PTPRD: variants seen among roughly 807,000 people sequenced by gnomAD.
PTPRD encodes protein tyrosine phosphatase receptor type D.
PTPRD carries 34 observed loss-of-function variants against 214.5 expected under a neutral mutation model. The ratio of observed to expected loss-of-function variants is 0.16; its 90% confidence interval spans 0.12 to 0.21. The LOEUF is 0.21. Among genes scored for constraint, PTPRD ranks in the 10% least tolerant of loss-of-function variants. PTPRD has a pLI of 1.00. For missense variants in PTPRD, 2,545 were observed against 2,398.7 expected (o/e 1.06, Z -1.27); for synonymous variants, 1,128 against 845.7 (o/e 1.33, Z -5.79).
chr9:10,069,537 T>C (rs937123006), intron 3 of PTPRD, among the ~76,000 whole-genome samples: 1 of 152,044 alleles, frequency 6.6e-6, no homozygotes, highest in Non-Finnish European at 1.5e-5. Context: ...AAATAATGCT[T>C]TTTCTTTCTC....
chr9:8,647,857 T>A (rs2096728034), intron 12 of PTPRD, among the ~76,000 whole-genome samples: 1 of 152,228 alleles, frequency 6.6e-6, no homozygotes, highest in Admixed American at 6.5e-5. Flanking sequence ...TTTGGCACAA[T>A]GTCTACATAC....
chr9:8,896,938 A>C (rs1172915843), intron 11 of PTPRD, among the ~76,000 whole-genome samples: 1 of 152,218 alleles, frequency 6.6e-6, no homozygotes, highest in Admixed American at 6.5e-5. Context: ...AGAACTGTAG[A>C]TTAGTTCTAA....
intron 21 of PTPRD, among the ~76,000 whole-genome samples, chr9:8,510,478 A>G (rs2097655409): frequency 1.3e-5 from 2 of 152,178 alleles, no homozygotes; most frequent in Non-Finnish European, 1.5e-5. Context: ...GCCTTGTGAA[A>G]TGTGGGCGCA....
intron 5 of PTPRD, among the ~76,000 whole-genome samples, chr9:9,864,286 A>G (rs2063450525): frequency 6.6e-6 from 1 of 152,078 alleles, no homozygotes; most frequent in Non-Finnish European, 1.5e-5. Context: ...AGCCTGGGTA[A>G]CAGAGTGAGA....
chr9:9,620,958 T>C (rs1476550477), intron 7 of PTPRD, among the ~76,000 whole-genome samples: 1 of 152,092 alleles, frequency 6.6e-6, no homozygotes, highest in Non-Finnish European at 1.5e-5. Context: ...AGCCAGTCAG[T>C]GCTCCACAGA....
intron 12 of PTPRD, among the ~76,000 whole-genome samples, chr9:8,695,257 G>C (rs1387389512): frequency 6.6e-6 from 1 of 152,106 alleles, no homozygotes; most frequent in Non-Finnish European, 1.5e-5. Flanking sequence ...AAACTCCCCA[G>C]TGTATTTGCT....
intron 14 of PTPRD, among the ~76,000 whole-genome samples, chr9:8,542,204 A>T (rs551140873): frequency 6.6e-6 from 1 of 152,220 alleles, no homozygotes; most frequent in Non-Finnish European, 1.5e-5. Flanking sequence ...GTGTGTGGGC[A>T]CTTCGGTGCT....
At chr9:8,775,237 T>C (rs1319036178) in intron 11 of PTPRD, among the ~76,000 whole-genome samples, 1 of 152,142 alleles carries the variant, frequency 6.6e-6, no homozygotes, top group African/African-American at 2.4e-5. Flanking sequence ...AGGGGGGTCT[T>C]TTTTTCTGAT....
At chr9:8,433,844 G>A (rs118018508) in intron 35 of PTPRD, among the ~76,000 whole-genome samples, 1,534 of 152,190 alleles carry the variant, frequency 0.01, 10 homozygotes, top group Non-Finnish European at 0.017. Flanking sequence ...AGTTTATAGT[G>A]TTTATAAAGT....
intron 3 of PTPRD, among the ~76,000 whole-genome samples, chr9:10,055,904 G>A (rs1267091616): frequency 1.3e-5 from 2 of 151,650 alleles, no homozygotes; most frequent in African/African-American, 4.9e-5. Flanking sequence ...ATAAATGAGT[G>A]TGTGTGTACT....
intron 5 of PTPRD, among the ~76,000 whole-genome samples, chr9:9,917,076 G>C (rs980181941): frequency 6.7e-6 from 1 of 149,246 alleles, no homozygotes; most frequent in Non-Finnish European, 1.5e-5. Flanking sequence ...TAAGAGGCAA[G>C]TATATATCAA....
chr9:9,794,443 G>C (rs2098988647), intron 5 of PTPRD, among the ~76,000 whole-genome samples: 1 of 152,038 alleles, frequency 6.6e-6, no homozygotes, highest in Admixed American at 6.6e-5. Context: ...TGGGGTACTG[G>C]TGGCAGAGGC....
At chr9:9,353,810 A>C (rs1308195268) in intron 9 of PTPRD, among the ~76,000 whole-genome samples, 1 of 151,904 alleles carries the variant, frequency 6.6e-6, no homozygotes, top group Non-Finnish European at 1.5e-5. Context: ...CCCTTTTATT[A>C]GTTCAGAATT....
At chr9:9,524,208 A>G (rs922142434) in intron 8 of PTPRD, among the ~76,000 whole-genome samples, 61 of 152,236 alleles carry the variant, frequency 4.0e-4, no homozygotes, top group African/African-American at 1.4e-3. Flanking sequence ...CCTTGGGTAC[A>G]GCTGTGTCTG....
At chr9:8,733,667 C>G (rs891782954) in intron 12 of PTPRD, 113 bp downstream of exon 12, 3 of 1,122,038 alleles carry the variant, frequency 2.7e-6, no homozygotes, top group African/African-American at 1.5e-5. Context: ...CCCGCAGTGT[C>G]TCAGGATTTA....
intron 3 of PTPRD, among the ~76,000 whole-genome samples, chr9:10,121,318 T>G (rs1423618362): frequency 2.6e-5 from 4 of 152,188 alleles, no homozygotes; most frequent in African/African-American, 4.8e-5. Flanking sequence ...TTTTTAGAGT[T>G]GGCTTTGGGA....
chr9:10,536,769 A>C (rs1381863111), intron 2 of PTPRD, among the ~76,000 whole-genome samples: 1 of 152,182 alleles, frequency 6.6e-6, no homozygotes, highest in Admixed American at 6.6e-5. Context: ...CTGTCTCATT[A>C]AAAGTGAGGT....
At chr9:9,813,953 T>A (rs1177579354) in intron 5 of PTPRD, among the ~76,000 whole-genome samples, 1 of 152,146 alleles carries the variant, frequency 6.6e-6, no homozygotes, top group African/African-American at 2.4e-5. Flanking sequence ...TCATTCACCA[T>A]AATCAAGTGG....
In PTPRD at chr9:10,103,395, T is replaced by TATA. The variant is rs34926923; in HGVS notation, c.-544-69606_-544-69605insTAT. 2.4e-4 allele frequency among the ~76,000 whole-genome samples: 28 copies of TATA among 116,722 alleles called. 4 individuals carry two copies. The highest frequency in any genetic ancestry group is 1.2e-3 in the East Asian group (4 of 3,294). The allele number at this position is 116,722 out of a possible 152,430, so 76.6% of individuals were successfully genotyped here. A position where few individuals can be genotyped will look rare whatever the true frequency, so the allele number is the denominator to read the frequency against. On this transcript the variant is annotated intron_variant, in intron 3 of 45. Transcript: ENST00000381196. Reference sequence around the variant, plus strand: ...CTGCATATTATATATATATATATATTTATTTAAGAGCATTGCAGTAAGAAA... The same window carrying TATA: ...CTGCATATTATATATATATATATATTATATATTTAAGAGCATTGCAGTAAGAAA...
Sources: allele counts gnomAD v4.1 joint callset (sites outside exome capture counted in the v4.1 genomes callset), GRCh38; gene constraint gnomAD v4.1.1; transcripts MANE v1.5; gene names NCBI Gene and HGNC (gene_info 2026-07-23, HGNC 2026-07-21).